Variants in PLA2G7 observed in about 807,000 individuals in gnomAD.
PLA2G7 encodes the protein phospholipase A2 group VII.
A neutral mutation model predicts 49.6 loss-of-function variants in PLA2G7; 63 were observed. The observed-to-expected ratio is 1.27, with a 90% CI of 1.04 to 1.57. The LOEUF (loss-of-function observed/expected upper bound fraction) is 1.57, where lower values mean the gene tolerates loss of function less well. PLA2G7 is among the 40% of genes most tolerant of loss of function. The pLI is 0.00. For missense variants in PLA2G7, 596 were observed against 521.2 expected (o/e 1.14, Z -1.40); for synonymous variants, 193 against 169.9 (o/e 1.14, Z -1.06).
chr6:46,705,309 A>G lies in PLA2G7; in HGVS notation c.1041-8T>C. On this transcript the variant is annotated splice_polypyrimidine_tract_variant and splice_region_variant and intron_variant, in intron 10 of 11. Coordinates refer to ENST00000274793, the MANE Select transcript of PLA2G7 (RefSeq NM_005084.4). Reference sequence around the variant, plus strand: ...TTCTGGTGGACTGAACCCCTAAAAGAGAACAAGACATTTAAAAGTCACATT... The same window carrying G: ...TTCTGGTGGACTGAACCCCTAAAAGGGAACAAGACATTTAAAAGTCACATT... 3 of 1,608,318 alleles carry G rather than the reference A, an allele frequency of 1.9e-6. No homozygotes were observed. The South Asian group carries it at 3.3e-5, about 18-fold the overall frequency.
intron 1 of PLA2G7, 66 bp downstream of exon 1, chr6:46,735,114 C>G (rs553498261): frequency 4.8e-4 from 73 of 152,028 alleles, no homozygotes; most frequent in Admixed American, 1.6e-3. Flanking sequence ...TCCGGGGTCC[C>G]GACCTCCAGC....
intron 1 of PLA2G7, among the ~76,000 whole-genome samples, chr6:46,728,249 T>A: frequency 6.6e-6 from 1 of 152,160 alleles, no homozygotes; most frequent in East Asian, 1.9e-4. Flanking sequence ...AACTAAGGCA[T>A]TTTTGCCCCC....
At chr6:46,720,452 G>A (rs1023030666) in intron 2 of PLA2G7, among the ~76,000 whole-genome samples, 1 of 152,240 alleles carries the variant, frequency 6.6e-6, no homozygotes, top group Non-Finnish European at 1.5e-5. Flanking sequence ...CCTCTGAGAA[G>A]ACCTCAGGAA....
intron 7 of PLA2G7, 23 bp downstream of exon 7, chr6:46,711,473 C>G (rs1158563069): frequency 1.2e-6 from 2 of 1,612,836 alleles, no homozygotes; most frequent in Non-Finnish European, 1.7e-6. Context: ...TCACCAACCA[C>G]CTCTCCTTTC....
rs186486100 is a variant in PLA2G7, at chr6:46,718,332, T to G, written c.110-1236A>C. Among the ~76,000 whole-genome samples, 8 of 151,880 alleles carry G rather than the reference T, an allele frequency of 5.3e-5. No homozygotes were observed. In the East Asian group the frequency reaches 1.4e-3, roughly 26 times the overall value. On this transcript the variant is annotated intron_variant, in intron 2 of 11. Transcript: ENST00000274793. ...TGGAAGGCAGTTTGTAGGAGGAATT[T>G]AAATCTACACATGCTTTCCTAAGCC...
intron 2 of PLA2G7, among the ~76,000 whole-genome samples, chr6:46,721,670 T>C (rs1042122086): frequency 6.6e-6 from 1 of 150,892 alleles, no homozygotes; most frequent in East Asian, 1.9e-4. Flanking sequence ...ACATTTATTG[T>C]CTTAGTCACC....
At chr6:46,732,709 G>T (rs1331866209) in intron 1 of PLA2G7, among the ~76,000 whole-genome samples, 1 of 152,224 alleles carries the variant, frequency 6.6e-6, no homozygotes, top group African/African-American at 2.4e-5. Context: ...CTACATGTTT[G>T]TATGTATTAG....
intron 5 of PLA2G7, 126 bp downstream of exon 5, chr6:46,714,334 T>C: frequency 1.3e-6 from 1 of 764,620 alleles, no homozygotes; most frequent in Non-Finnish European, 2.4e-6. Flanking sequence ...CAGCCAATTA[T>C]TGAGGAAACC....
intron 1 of PLA2G7, among the ~76,000 whole-genome samples, chr6:46,725,332 G>C (rs1043655558): frequency 2.0e-5 from 3 of 151,850 alleles, no homozygotes; most frequent in African/African-American, 2.4e-5. Flanking sequence ...CCTGGGTTCA[G>C]GCAATTCTCC....
rs536350408 is a variant in PLA2G7, at chr6:46,708,054, G to A, written c.977C>T (p.Ala326Val). The A allele has an allele frequency of 1.1e-5, 17 of 1,590,392 alleles. No homozygotes were observed. Among genetic ancestry groups the A allele is most frequent in the Middle Eastern group, 1.7e-4 (1 of 6,038 alleles). The change falls in exon 10 of 12, where the codon GCT (alanine) becomes GTT (valine). Residue 326 changes from alanine to valine, a missense_variant. Transcript: ENST00000274793. ...GCATTTTTTCATTTTTATGATATTAGCAGGATATTGGAAATATTCAGAGTT... is the reference window on the plus strand; with the variant it reads ...GCATTTTTTCATTTTTATGATATTAACAGGATATTGGAAATATTCAGAGTT... ...FINSEYFQYP[A>V]NIIKMKKCYS...
chr6:46,714,587 T>G (rs749260679), intron 4 of PLA2G7, 34 bp from the exon 5 acceptor site: 1 of 1,217,752 alleles, frequency 8.2e-7, no homozygotes, highest in Non-Finnish European at 1.2e-6. Flanking sequence ...GTTAAGGTTT[T>G]CTCTGAGTGT....
chr6:46,707,819 TAA>T (rs140386618), intron 10 of PLA2G7, among the ~76,000 whole-genome samples, 170 bp downstream of exon 10: 4 of 152,186 alleles, frequency 2.6e-5, no homozygotes, highest in African/African-American at 9.7e-5. Flanking sequence ...ATTCCCATTT[TAA>T]AAAGAGTAAG....
At chr6:46,729,079 G>A (rs1400279855) in intron 1 of PLA2G7, among the ~76,000 whole-genome samples, 1 of 152,150 alleles carries the variant, frequency 6.6e-6, no homozygotes, top group Non-Finnish European at 1.5e-5. Context: ...TTGCTACACA[G>A]CCCCAGGAAT....
At chr6:46,705,960 A>T (rs1287226389) in intron 10 of PLA2G7, among the ~76,000 whole-genome samples, 1 of 152,120 alleles carries the variant, frequency 6.6e-6, no homozygotes, top group Admixed American at 6.5e-5. Flanking sequence ...TTCTGACGCT[A>T]ACCACTCTAT....
rs1554182086 is a variant in PLA2G7 at position 46,704,470 on chromosome 6, TCTCTCTCTCACACACA to T, written c.*74_*89del. 34,764 of 273,500 alleles carry T rather than the reference TCTCTCTCTCACACACA, an allele frequency of 0.13. 1,250 individuals carry two copies. The highest frequency in any genetic ancestry group is 0.29 in the African/African-American group (8,734 of 29,988). The allele number at this position is 273,500 out of a possible 1,614,324, so 16.9% of individuals were successfully genotyped here. ...CTCTCTCTCTCTCTCTCTCTCTCTC[TCTCTCTCTCACACACA>T]CACACACACACACACACACACACAT... On this transcript the variant is annotated 3_prime_UTR_variant, in exon 12 of 12. Transcript: ENST00000274793.
chr6:46,705,967 C>CT (rs1216843851), intron 10 of PLA2G7, among the ~76,000 whole-genome samples: 1 of 152,164 alleles, frequency 6.6e-6, no homozygotes, highest in Non-Finnish European at 1.5e-5. Flanking sequence ...GCTAACCACT[C>CT]TATGTTCTTC....
At chr6:46,735,566 CTT>C (rs544612118), upstream of PLA2G7, 209 of 152,686 alleles carry the variant, frequency 1.4e-3, no homozygotes, top group Middle Eastern at 0.01. Flanking sequence ...CCGCGGTTAA[CTT>C]AGCCCGCCGC....
intron 9 of PLA2G7, among the ~76,000 whole-genome samples, chr6:46,708,416 C>T (rs1764903781): frequency 6.6e-6 from 1 of 152,092 alleles, no homozygotes; most frequent in Non-Finnish European, 1.5e-5. Context: ...AGTGATATAT[C>T]CTTAAAACTT....
chr6:46,704,373 A>G lies in PLA2G7; in HGVS notation c.*187T>C, dbSNP rs1582557587. ...CTAAAGGGAAAAAATTCTTAGTCCA[A>G]GCTTCAATCACGATTACAGTATAGC... On this transcript the variant is annotated 3_prime_UTR_variant, in exon 12 of 12. Transcript: ENST00000274793. 1.2e-5 allele frequency: 7 copies of G among 586,914 alleles called. No homozygotes were observed. The East Asian group carries it at 2.0e-4, about 17-fold the overall frequency. 36.4% of individuals were successfully genotyped at this position (586,914 alleles called of 1,614,324 possible).
Sources: allele counts gnomAD v4.1 joint callset (sites outside exome capture counted in the v4.1 genomes callset), GRCh38; gene constraint gnomAD v4.1.1; transcripts MANE v1.5; gene names NCBI Gene and HGNC (gene_info 2026-07-23, HGNC 2026-07-21).